The following CXorf58 variants were observed in gnomAD, a reference collection of about 807,000 sequenced individuals.
The protein encoded by CXorf58 is uncharacterized protein CXorf58.
CXorf58 carries 24 observed loss-of-function variants against 26.0 expected under a neutral mutation model. The observed-to-expected ratio is 0.92, with a 90% CI of 0.67 to 1.30. The LOEUF (loss-of-function observed/expected upper bound fraction) is 1.30, where lower values mean the gene tolerates loss of function less well. Ranked by LOEUF, CXorf58 falls within the 50% of genes most tolerant of loss-of-function variation. CXorf58 has a pLI of 0.00. For synonymous variants in CXorf58, 87 were observed against 86.1 expected (o/e 1.01, Z -0.06); for missense variants, 236 against 263.9 (o/e 0.89, Z 0.73).
Position 23,927,116 on chromosome X carries a change from T to G in CXorf58, c.424-123T>G, listed in dbSNP as rs59995407. ...TTGCAAATGCAGCCTTTCTATTGAA[T>G]AGCAAGCTGCTAGAAGAAAGGAACA... On this transcript the variant is annotated intron_variant, in intron 5 of 8. Coordinates refer to ENST00000379211, the MANE Select transcript of CXorf58 (RefSeq NM_152761.3). 1.3e-3 allele frequency: 600 copies of G among 451,729 alleles called. 1 individual carries two copies. In the African/African-American group the frequency reaches 0.014, roughly 10 times the overall value. The allele number at this position is 451,729 out of a possible 1,213,427, so 37.2% of individuals were successfully genotyped here.
intron 3 of CXorf58, among the ~76,000 whole-genome samples, chrX:23,912,808 G>A (rs5925978): frequency 0.21 from 23,597 of 111,224 alleles, 2,396 homozygotes; most frequent in East Asian, 0.57. Flanking sequence ...CTAAGAATCT[G>A]TTCTACAATA....
At chrX:23,912,138 C>T (rs1927599273) in intron 3 of CXorf58, among the ~76,000 whole-genome samples, 1 of 110,129 alleles carries the variant, frequency 9.1e-6, no homozygotes, top group African/African-American at 3.3e-5. Flanking sequence ...TTTTTAGTAG[C>T]GATGGGGTTT....
intron 5 of CXorf58, among the ~76,000 whole-genome samples, chrX:23,921,197 C>A (rs1350350006): frequency 9.0e-6 from 1 of 111,409 alleles, no homozygotes; most frequent in African/African-American, 3.3e-5. Context: ...ACCTTAGAGG[C>A]AGTGATTGGA....
intron 6 of CXorf58, among the ~76,000 whole-genome samples, chrX:23,931,382 G>T (rs1053145897): frequency 3.6e-5 from 4 of 111,878 alleles, no homozygotes; most frequent in Non-Finnish European, 7.5e-5. Flanking sequence ...ACTGTCTTTA[G>T]CACTTTACAT....
In CXorf58 at chrX:23,916,240, C is replaced by T. The variant is rs1398872332; in HGVS notation, c.335C>T (p.Pro112Leu). Residue 112 changes from proline (P) to leucine (L), a missense_variant, in exon 5 of 9, where the codon CCT becomes CTT. Pro to Leu is a moderately conservative substitution (Grantham distance 98). Coordinates refer to ENST00000379211, the MANE Select transcript of CXorf58 (RefSeq NM_152761.3). ...AGATTTAGAGGTGAAACGTTTCCAC[C>T]TTTCATCGTGTTTAAAATTTTTCTT... ...RFRFRGETFP[P>L]FIVFKIFLHT... 8.4e-7 allele frequency: 1 copy of T among 1,190,238 alleles called. No individual in the cohort carries two copies. The highest frequency in any genetic ancestry group is 1.1e-6 in the Non-Finnish European group (1 of 881,135).
chrX:23,916,395 C>CA, intron 5 of CXorf58, 67 bp downstream of exon 5: 1 of 656,556 alleles, frequency 1.5e-6, no homozygotes, highest in Non-Finnish European at 2.4e-6. Context: ...ATCTGAATTG[C>CA]ATTCAAATTA....
intron 7 of CXorf58, among the ~76,000 whole-genome samples, chrX:23,938,337 A>G (rs1928346410): frequency 9.0e-6 from 1 of 111,679 alleles, no homozygotes; most frequent in African/African-American, 3.2e-5. Flanking sequence ...TCACCTGTAC[A>G]CCTTCATAAG....
chrX:23,911,918 A>C, intron 3 of CXorf58, 62 bp downstream of exon 3: 4 of 799,840 alleles, frequency 5.0e-6, no homozygotes, highest in Non-Finnish European at 7.4e-6. Flanking sequence ...AGATCTATTA[A>C]TTAAAGATCG....
chrX:23,916,318 C>T lies in CXorf58; in HGVS notation c.413C>T (p.Pro138Leu), dbSNP rs138423407. The T allele has an allele frequency of 3.8e-5, 44 of 1,155,109 alleles. No homozygotes were observed. The highest frequency in any genetic ancestry group is 4.8e-5 in the Non-Finnish European group (41 of 849,366). ...KYFSGKNVLM[P>L]SSKAVDDACK... is the part of the protein sequence containing the mutation. Reference sequence around the variant, plus strand: ...TTTAGTGGAAAAAATGTATTAATGCCGTCAAGTAAGGTGACGTTTCATGAT... The same window carrying T: ...TTTAGTGGAAAAAATGTATTAATGCTGTCAAGTAAGGTGACGTTTCATGAT... The change falls in exon 5 of 9, where the codon CCG (proline) becomes CTG (leucine). Residue 138 changes from proline to leucine, a missense_variant. Transcript: ENST00000379211.
chrX:23,938,942 C>CA (rs1928359298), intron 8 of CXorf58, among the ~76,000 whole-genome samples: 1 of 111,367 alleles, frequency 9.0e-6, no homozygotes, highest in Non-Finnish European at 1.9e-5. Context: ...CATGAGTTGG[C>CA]AAAAAAATTA....
Position 23,938,690 on chromosome X carries a change from C to G in CXorf58, c.929C>G (p.Ser310Cys). The G allele has an allele frequency of 8.7e-7, 1 of 1,155,006 alleles. No homozygotes were observed. Among genetic ancestry groups the G allele is most frequent in the Non-Finnish European group, 1.2e-6 (1 of 859,189 alleles). The change falls in exon 8 of 9, where the codon TCT becomes TGT. Residue 310 changes from serine to cysteine, a missense_variant. Coordinates refer to ENST00000379211, the MANE Select transcript of CXorf58 (RefSeq NM_152761.3). The stretch of plus-strand genomic sequence containing the variant: ...TATTTGGCTAAAGAAAAAAATACTT[C>G]TGAGGTGACTGTAAGTTTAACTTGT... ...KVYLAKEKNT[S>C]EVTEPKTGPS...
intron 5 of CXorf58, among the ~76,000 whole-genome samples, chrX:23,921,168 C>T (rs982629012): frequency 9.0e-6 from 1 of 111,447 alleles, no homozygotes; most frequent in Admixed American, 9.6e-5. Flanking sequence ...TTGCTGTACA[C>T]AGGCTTGAGC....
intron 7 of CXorf58, among the ~76,000 whole-genome samples, 164 bp downstream of exon 7, chrX:23,935,589 G>T (rs1387783265): frequency 4.5e-5 from 5 of 111,885 alleles, no homozygotes; most frequent in African/African-American, 1.6e-4. Flanking sequence ...CTAACAAAAA[G>T]GACAATTGGT....
intron 5 of CXorf58, among the ~76,000 whole-genome samples, chrX:23,924,041 G>C (rs1322821327): frequency 8.9e-6 from 1 of 111,889 alleles, no homozygotes; most frequent in Non-Finnish European, 1.9e-5. Context: ...ACTCCAGCCT[G>C]GGTGACAGAG....
chrX:23,920,325 C>G (rs1390814672), intron 5 of CXorf58, among the ~76,000 whole-genome samples: 3 of 112,585 alleles, frequency 2.7e-5, no homozygotes, highest in African/African-American at 9.7e-5. Context: ...GATGGACATT[C>G]TCATATTTGG....
Position 23,933,255 on chromosome X carries a change from C to CTG in CXorf58, c.556-1929_556-1928dup, listed in dbSNP as rs771576086. Among the ~76,000 whole-genome samples the CTG allele has an allele frequency of 2.2e-3, 245 of 110,137 alleles. 1 individual carries two copies. The highest frequency in any genetic ancestry group is 6.7e-3 in the African/African-American group (203 of 30,341). ...GTGTGTTGAGAGTGTGTATGTGCAT[C>CTG]TGTGTGTGTGTGTTTGAAAGCATGA... On this transcript the variant is annotated intron_variant, in intron 6 of 8. Transcript: ENST00000379211.
intron 6 of CXorf58, among the ~76,000 whole-genome samples, chrX:23,930,527 C>T (rs1928140094): frequency 9.5e-6 from 1 of 105,575 alleles, no homozygotes; most frequent in Non-Finnish European, 1.9e-5. Flanking sequence ...GTCCCAGCTA[C>T]TCAGGAGACT....
intron 7 of CXorf58, among the ~76,000 whole-genome samples, chrX:23,938,065 T>G (rs950368219): frequency 3.7e-5 from 4 of 109,028 alleles, no homozygotes; most frequent in African/African-American, 1.3e-4. Context: ...TTTGTATTTT[T>G]TTTTAGTAGA....
Sources: allele counts gnomAD v4.1 joint callset (sites outside exome capture counted in the v4.1 genomes callset), GRCh38; gene constraint gnomAD v4.1.1; transcripts MANE v1.5; gene names NCBI Gene and HGNC (gene_info 2026-07-23, HGNC 2026-07-21).